The following PPARGC1A variants were observed in gnomAD, a reference collection of about 807,000 sequenced individuals.
The protein encoded by PPARGC1A is peroxisome proliferator-activated receptor gamma coactivator 1-alpha.
In PPARGC1A, 25 loss-of-function variants were observed where a neutral mutation model predicts 88.7. The ratio of observed to expected loss-of-function variants is 0.28; its 90% CI spans 0.21 to 0.39. The LOEUF is 0.39. Among genes scored for constraint, PPARGC1A ranks in the 10% least tolerant of loss-of-function variants. The probability of loss-of-function intolerance (pLI) is 1.00; values close to 1 mark genes in which losing one functional copy is unlikely to be tolerated. For missense variants in PPARGC1A, 880 were observed against 968.7 expected (o/e 0.91, Z 1.22); for synonymous variants, 363 against 355.6 (o/e 1.02, Z -0.24).
the PPARGC1A span, among the ~76,000 whole-genome samples, chr4:23,987,541 A>T: frequency 6.6e-6 from 1 of 151,946 alleles, no homozygotes; most frequent in African/African-American, 2.4e-5. Flanking sequence ...CTATTGCCTT[A>T]GGGGTCTGTG....
chr4:24,283,009 C>T, the PPARGC1A span, among the ~76,000 whole-genome samples: 2 of 152,256 alleles, frequency 1.3e-5, no homozygotes, highest in African/African-American at 2.4e-5. Flanking sequence ...TTCAATAATA[C>T]GGCAGTTACT....
chr4:24,200,766 CTG>C, the PPARGC1A span, among the ~76,000 whole-genome samples: 1 of 150,268 alleles, frequency 6.7e-6, no homozygotes, highest in African/African-American at 2.4e-5. Flanking sequence ...ATATTATCCT[CTG>C]TGTTTTTCTG....
chr4:24,363,480 G>T, the PPARGC1A span, among the ~76,000 whole-genome samples: 1 of 152,034 alleles, frequency 6.6e-6, no homozygotes, highest in East Asian at 1.9e-4. Flanking sequence ...ATAATGATCC[G>T]GCTATTATAT....
At chr4:23,928,213 A>C in the PPARGC1A span, among the ~76,000 whole-genome samples, 1 of 152,288 alleles carries the variant, frequency 6.6e-6, no homozygotes, top group Non-Finnish European at 1.5e-5. Flanking sequence ...GCTGCCACTA[A>C]GTAGAATTTC....
intron 2 of PPARGC1A, among the ~76,000 whole-genome samples, chr4:23,838,588 A>G (rs903511059): frequency 2.6e-5 from 4 of 152,226 alleles, no homozygotes; most frequent in African/African-American, 9.6e-5. Flanking sequence ...CATTTCTTAC[A>G]TATGCCCTGA....
Position 23,814,510 on chromosome 4 carries a change from G to A in PPARGC1A, c.973C>T (p.Pro325Ser), listed in dbSNP as rs996162188. 1.6e-5 allele frequency: 26 copies of A among 1,613,424 alleles called. No individual in the cohort carries two copies. The highest frequency in any genetic ancestry group is 2.1e-5 in the Non-Finnish European group (25 of 1,179,858). Residue 325 changes from proline (P) to serine (S), a missense_variant, in exon 8 of 13, where the codon CCA becomes TCA. Coordinates refer to ENST00000264867, the MANE Select transcript of PPARGC1A (RefSeq NM_013261.5). ...TACCTGGGCTTCTTTGATGGTGGTG[G>A]CACCACAGTCTTGCAAGAGGACTTC... ...KLKSSCKTVV[P>S]PPSKKPRYSE...
the PPARGC1A span, among the ~76,000 whole-genome samples, chr4:23,941,545 C>T: frequency 6.6e-6 from 1 of 152,154 alleles, no homozygotes; most frequent in Non-Finnish European, 1.5e-5. Flanking sequence ...TTAACCTCAT[C>T]CCTGAAGGGA....
chr4:23,973,626 T>C, the PPARGC1A span, among the ~76,000 whole-genome samples: 2 of 152,352 alleles, frequency 1.3e-5, no homozygotes, highest in African/African-American at 4.8e-5. Context: ...TGAATTCTTA[T>C]TGCATAGCCA....
the PPARGC1A span, among the ~76,000 whole-genome samples, chr4:24,139,548 C>T: frequency 0.013 from 1,920 of 152,158 alleles, 100 homozygotes; most frequent in Admixed American, 0.092. Context: ...CAGAGTTTTG[C>T]TATTAATTGA....
chr4:23,831,653 C>A lies in PPARGC1A; in HGVS notation c.333G>T (p.Ala111=), dbSNP rs747323735. The change falls in exon 3 of 13, where the codon GCG becomes GCT. Residue 111 remains alanine, a synonymous_variant. Coordinates refer to ENST00000264867, the MANE Select transcript of PPARGC1A (RefSeq NM_013261.5). ...CAGTGGTCACGTCTCCATCTGTCAG[C>A]GCATCAAATGAGGGCAATCCGTCTT... ...VDEDGLPSFD[A]LTDGDVTTDN... 14 of 1,613,844 alleles carry A rather than the reference C, an allele frequency of 8.7e-6. No individual in the cohort carries two copies. In the Admixed American group the frequency reaches 1.2e-4, roughly 13 times the overall value.
chr4:24,115,278 G>A, the PPARGC1A span, among the ~76,000 whole-genome samples: 3 of 152,104 alleles, frequency 2.0e-5, no homozygotes, highest in South Asian at 2.1e-4. Flanking sequence ...CACAATTGTC[G>A]CTTTAAAAAA....
chr4:24,448,074 G>A, the PPARGC1A span, among the ~76,000 whole-genome samples: 9 of 152,228 alleles, frequency 5.9e-5, no homozygotes, highest in South Asian at 2.1e-4. Context: ...TGCCCTTAAC[G>A]AGCTACTAAA....
chr4:23,869,903 C>T (rs779806983), intron 2 of PPARGC1A, among the ~76,000 whole-genome samples: 39 of 152,106 alleles, frequency 2.6e-4, no homozygotes, highest in South Asian at 1.0e-3. Context: ...TCTTGACCAA[C>T]GTCCCTGTAG....
the PPARGC1A span, among the ~76,000 whole-genome samples, chr4:24,202,657 T>A: frequency 6.6e-6 from 1 of 152,154 alleles, no homozygotes; most frequent in South Asian, 2.1e-4. Context: ...TCCTTTGCCC[T>A]CTGGGGACAC....
the PPARGC1A span, among the ~76,000 whole-genome samples, chr4:24,403,871 A>C: frequency 6.6e-6 from 1 of 152,218 alleles, no homozygotes; most frequent in Admixed American, 6.5e-5. Context: ...AAGAATCTAG[A>C]CACAGCACAA....
intron 1 of PPARGC1A, among the ~76,000 whole-genome samples, chr4:23,885,939 C>CT (rs1460988205): frequency 6.6e-6 from 1 of 152,114 alleles, no homozygotes; most frequent in Admixed American, 6.6e-5. Context: ...AATAGACAGT[C>CT]TTTTTAACTG....
the PPARGC1A span, among the ~76,000 whole-genome samples, chr4:24,403,682 T>C: frequency 4.7e-4 from 72 of 152,214 alleles, no homozygotes. Flanking sequence ...TCATGTTGTT[T>C]TTCCATTCCT....
chr4:23,955,498 T>C, the PPARGC1A span, among the ~76,000 whole-genome samples: 1 of 152,080 alleles, frequency 6.6e-6, no homozygotes, highest in Non-Finnish European at 1.5e-5. Context: ...AGCAATTTTC[T>C]TTATTACTAC....
the PPARGC1A span, among the ~76,000 whole-genome samples, chr4:24,411,131 C>T: frequency 6.6e-6 from 1 of 152,136 alleles, no homozygotes. Flanking sequence ...TGTTAATGTG[C>T]ACATTGTGAA....
Sources: gnomAD v4.1 joint callset for allele counts (sites outside exome capture counted in the v4.1 genomes callset) on GRCh38, gnomAD v4.1.1 for gene constraint, MANE v1.5 for transcripts, NCBI Gene and HGNC (gene_info 2026-07-23, HGNC 2026-07-21) for gene names.